Variants in CSMD1 observed in about 807,000 individuals in gnomAD.
The protein encoded by CSMD1 is CUB and Sushi multiple domains 1.
CSMD1 carries 213 observed loss-of-function variants against 417.5 expected under a neutral mutation model. The ratio of observed to expected loss-of-function variants is 0.51; its 90% CI spans 0.46 to 0.57. CSMD1 has a LOEUF of 0.57. Among genes scored for constraint, CSMD1 ranks in the 20% least tolerant of loss-of-function variants. CSMD1 has a pLI of 0.00. For synonymous variants in CSMD1, 2,862 were observed against 1,736.8 expected, an observed-to-expected ratio of 1.65 and a Z score of -16.11; for missense variants, 6,923 against 4,529.7, an observed-to-expected ratio of 1.53 and a Z score of -15.17.
In CSMD1 at chr8:3,979,408, C is replaced by T. The variant is rs139934333; in HGVS notation, c.818+18495G>A. Among the ~76,000 whole-genome samples, 39 of 152,294 alleles carry T rather than the reference C, an allele frequency of 2.6e-4. No homozygotes were observed. The East Asian group carries it at 7.3e-3, about 29-fold the overall frequency. ...GACATCAGCGCAGCTACAGAGGCTA[C>T]ATGGAAAAGCTGCAGGAGAAGGCGT... On this transcript the variant is annotated intron_variant, in intron 5 of 69. Coordinates refer to ENST00000635120, the MANE Select transcript of CSMD1 (RefSeq NM_033225.6).
chr8:4,738,985 A>G (rs181497487), intron 1 of CSMD1, among the ~76,000 whole-genome samples: 85 of 151,900 alleles, frequency 5.6e-4, no homozygotes, highest in African/African-American at 1.9e-3. Flanking sequence ...CTCTTGGGAA[A>G]ATAATCTTAA....
intron 3 of CSMD1, among the ~76,000 whole-genome samples, chr8:4,194,483 A>G (rs1216255127): frequency 6.6e-6 from 1 of 152,172 alleles, no homozygotes; most frequent in East Asian, 1.9e-4. Context: ...CACTTTTCTA[A>G]TAAATAGTGA....
chr8:3,419,941 T>G (rs1254539282), intron 12 of CSMD1, among the ~76,000 whole-genome samples: 1 of 152,168 alleles, frequency 6.6e-6, no homozygotes, highest in Non-Finnish European at 1.5e-5. Flanking sequence ...TGACTTCCTG[T>G]GAGTTGCTAG....
intron 28 of CSMD1, among the ~76,000 whole-genome samples, chr8:3,221,350 G>A (rs1356012335): frequency 6.6e-6 from 1 of 152,126 alleles, no homozygotes; most frequent in African/African-American, 2.4e-5. Context: ...GGAGTTACTA[G>A]GTATAGGCGC....
At chr8:4,531,573 G>T (rs1372456051) in intron 2 of CSMD1, among the ~76,000 whole-genome samples, 1 of 152,264 alleles carries the variant, frequency 6.6e-6, no homozygotes, top group East Asian at 1.9e-4. Flanking sequence ...TTTGCCAGAT[G>T]TAAAGTCCTG....
intron 2 of CSMD1, among the ~76,000 whole-genome samples, chr8:4,424,267 G>C (rs1359653131): frequency 6.6e-6 from 1 of 151,944 alleles, no homozygotes; most frequent in African/African-American, 2.4e-5. Flanking sequence ...TGCAGACTGG[G>C]AAAACACATT....
At chr8:4,115,694 T>C (rs1173351280) in intron 3 of CSMD1, among the ~76,000 whole-genome samples, 2 of 152,108 alleles carry the variant, frequency 1.3e-5, no homozygotes, top group African/African-American at 4.8e-5. Flanking sequence ...AGGTGCCCTG[T>C]AAGAGGTGAG....
intron 5 of CSMD1, among the ~76,000 whole-genome samples, chr8:3,839,535 A>G (rs1349257206): frequency 4.3e-4 from 34 of 78,966 alleles, no homozygotes; most frequent in Non-Finnish European, 9.1e-4. Flanking sequence ...ATATGTTAAG[A>G]TTTTATATAT....
At chr8:4,336,496 C>T (rs1172531901) in intron 3 of CSMD1, among the ~76,000 whole-genome samples, 1 of 152,108 alleles carries the variant, frequency 6.6e-6, no homozygotes. Context: ...AACACAGATA[C>T]AACTACATGG....
In CSMD1 at chr8:4,714,543, G is replaced by C. The variant is rs369242734; in HGVS notation, c.86-76985C>G. On this transcript the variant is annotated intron_variant, in intron 1 of 69. Coordinates refer to ENST00000635120, the MANE Select transcript of CSMD1 (RefSeq NM_033225.6). ...CCAATTGAACATAACAGATAGAGAA[G>C]GCCCAAAGAGAAGTCGGAACTTTCC... 1.2e-3 allele frequency among the ~76,000 whole-genome samples: 188 copies of C among 152,150 alleles called. 7 individuals carry two copies. The South Asian group carries it at 0.033, about 27-fold the overall frequency.
intron 1 of CSMD1, among the ~76,000 whole-genome samples, chr8:4,824,185 G>C (rs527583896): frequency 6.6e-5 from 10 of 151,950 alleles, no homozygotes; most frequent in Admixed American, 2.6e-4. Context: ...GGACAAAGTA[G>C]TTTAATTCAT....
intron 7 of CSMD1, among the ~76,000 whole-genome samples, chr8:3,696,449 ATCTCT>A (rs1397658006): frequency 2.0e-5 from 3 of 152,240 alleles, no homozygotes; most frequent in African/African-American, 7.2e-5. Flanking sequence ...GCTTCTGCAC[ATCTCT>A]TCTCTGTGAA....
chr8:4,443,554 C>T (rs999790462), intron 2 of CSMD1, among the ~76,000 whole-genome samples: 16 of 152,274 alleles, frequency 1.1e-4, no homozygotes, highest in African/African-American at 2.9e-4. Flanking sequence ...ATGTCAGCCA[C>T]GTGTGGCTCA....
chr8:3,282,448 T>A (rs1050100743), intron 26 of CSMD1, among the ~76,000 whole-genome samples: 2 of 152,214 alleles, frequency 1.3e-5, no homozygotes, highest in African/African-American at 4.8e-5. Context: ...TCTCATAACT[T>A]TCTCAACTTT....
chr8:4,833,038 T>A (rs1294558660), intron 1 of CSMD1, among the ~76,000 whole-genome samples: 1 of 152,190 alleles, frequency 6.6e-6, no homozygotes, highest in Non-Finnish European at 1.5e-5. Context: ...TAGCTTACAT[T>A]AGAACATCTT....
At chr8:4,109,949 G>C (rs937511041) in intron 3 of CSMD1, among the ~76,000 whole-genome samples, 3 of 152,090 alleles carry the variant, frequency 2.0e-5, no homozygotes, top group African/African-American at 4.8e-5. Context: ...ACAATTTGGT[G>C]AATAATACTC....
At chr8:4,312,842 C>T (rs1047234656) in intron 3 of CSMD1, among the ~76,000 whole-genome samples, 7 of 151,968 alleles carry the variant, frequency 4.6e-5, no homozygotes, top group South Asian at 2.1e-4. Flanking sequence ...CCAGGCAAGG[C>T]GGTAAGAGTG....
intron 27 of CSMD1, among the ~76,000 whole-genome samples, chr8:3,225,084 C>T (rs1798418955): frequency 6.6e-6 from 1 of 152,060 alleles, no homozygotes; most frequent in African/African-American, 2.4e-5. Context: ...TGATTTTTCC[C>T]CTATACAAAA....
chr8:3,589,570 G>A (rs1288758330), intron 8 of CSMD1, among the ~76,000 whole-genome samples: 4 of 152,006 alleles, frequency 2.6e-5, no homozygotes, highest in Non-Finnish European at 5.9e-5. Context: ...GGTGAAATCT[G>A]GAAAAAATAG....
Sources: gnomAD v4.1 joint callset for allele counts (sites outside exome capture counted in the v4.1 genomes callset) on GRCh38, gnomAD v4.1.1 for gene constraint, MANE v1.5 for transcripts, NCBI Gene and HGNC (gene_info 2026-07-23, HGNC 2026-07-21) for gene names.